LCA5L: variants seen among roughly 807,000 people sequenced by gnomAD.
LCA5L encodes the protein lebercilin-like protein.
Under a neutral mutation model 45.4 loss-of-function variants are expected in LCA5L, and 35 were observed. The observed-to-expected ratio is 0.77, with a 90% CI of 0.59 to 1.02. The LOEUF (loss-of-function observed/expected upper bound fraction) is 1.02, where lower values mean the gene tolerates loss of function less well. Ranked by LOEUF, LCA5L falls within the 50% of genes least tolerant of loss-of-function variation. LCA5L has a pLI of 0.00. For missense variants in LCA5L, 668 were observed against 761.6 expected, an observed-to-expected ratio of 0.88 and a Z score of 1.45; for synonymous variants, 233 against 264.7, an observed-to-expected ratio of 0.88 and a Z score of 1.16.
intron 6 of LCA5L, chr21:39,422,645 A>C: frequency 2.5e-6 from 1 of 408,084 alleles, no homozygotes; most frequent in Non-Finnish European, 4.3e-6. Context: ...CACGTAACAC[A>C]ATGCAATCTT....
chr21:39,421,974 TGACA>T (rs1380116257), intron 6 of LCA5L: 3 of 152,224 alleles, frequency 2.0e-5, no homozygotes, highest in African/African-American at 7.2e-5. Context: ...TGCTTTTACA[TGACA>T]GACATACGCT....
chr21:39,435,040 T>G (rs2076159989), intron 3 of LCA5L, among the ~76,000 whole-genome samples: 1 of 152,222 alleles, frequency 6.6e-6, no homozygotes, highest in South Asian at 2.1e-4. Context: ...GTTTACAGTA[T>G]AGTGGTGCCT....
Position 39,410,089 on chromosome 21 carries a change from T to C in LCA5L, c.1172A>G (p.Lys391Arg). Residue 391 changes from lysine to arginine, a missense_variant, in exon 10 of 11, where the codon AAG becomes AGG. Lys to Arg is a conservative substitution (Grantham distance 26). Transcript: ENST00000288350. ...DVPPLTTKGKKATGNIDHKEK... is the reference protein window; with the variant it reads ...DVPPLTTKGKRATGNIDHKEK... ...TTTATGATCGATGTTTCCTGTTGCCTTTTTACCCTGTAATTTAGAAAAGCA... is the reference window on the plus strand; with the variant it reads ...TTTATGATCGATGTTTCCTGTTGCCCTTTTACCCTGTAATTTAGAAAAGCA... The C allele has an allele frequency of 1.2e-6, 2 of 1,600,132 alleles. No individual in the cohort carries two copies. Among genetic ancestry groups the C allele is most frequent in the South Asian group, 1.1e-5 (1 of 90,188 alleles).
At position 39,423,414 on chromosome 21, in the gene LCA5L, G is replaced by A. The variant is rs1198152076; in HGVS notation, c.399C>T (p.Ala133=). 3 of 1,602,900 alleles carry A rather than the reference G, an allele frequency of 1.9e-6. No individual in the cohort carries two copies. In the Admixed American group the frequency reaches 5.1e-5, roughly 27 times the overall value. Residue 133 remains alanine (A), a synonymous_variant, in exon 6 of 11, where the codon GCC becomes GCT. Coordinates refer to ENST00000288350, the MANE Select transcript of LCA5L (RefSeq NM_152505.4). ...SLFNSQIHMI[A]QRRDAMAHRI... ...GATGAGCCATAGCATCTCTTCTTTG[G>A]GCAATCATATGGATTTGAGAATTAA...
chr21:39,420,888 T>C (rs780616784), intron 6 of LCA5L, 45 bp from the exon 7 acceptor site: 10 of 1,473,902 alleles, frequency 6.8e-6, no homozygotes, highest in Non-Finnish European at 9.3e-6. Context: ...CAAGTTAGTA[T>C]GTTAAAAACT....
intron 3 of LCA5L, among the ~76,000 whole-genome samples, chr21:39,434,898 G>A (rs940470355): frequency 4.6e-5 from 7 of 152,158 alleles, no homozygotes; most frequent in South Asian, 2.1e-4. Context: ...TATGAAGAAG[G>A]TAAGGCAAAA....
At chr21:39,433,559 G>T (rs376429095) in intron 3 of LCA5L, among the ~76,000 whole-genome samples, 2 of 151,872 alleles carry the variant, frequency 1.3e-5, no homozygotes, top group African/African-American at 4.8e-5. Flanking sequence ...ACTTATTATG[G>T]ATTAAAATTC....
At chr21:39,421,351 G>T (rs1196844611) in intron 6 of LCA5L, among the ~76,000 whole-genome samples, 1 of 152,108 alleles carries the variant, frequency 6.6e-6, no homozygotes. Context: ...GCCTCCCAAA[G>T]TGCTGGTATT....
At chr21:39,431,914 C>T (rs1472695028) in intron 3 of LCA5L, among the ~76,000 whole-genome samples, 1 of 152,144 alleles carries the variant, frequency 6.6e-6, no homozygotes, top group Non-Finnish European at 1.5e-5. Flanking sequence ...TTGATCACTA[C>T]TATAACCTAA....
In LCA5L at chr21:39,406,104, A is replaced by G; in HGVS notation, c.1791T>C (p.Ser597=). 6.2e-7 allele frequency: 1 copy of G among 1,614,198 alleles called. No homozygotes were observed. Among genetic ancestry groups the G allele is most frequent in the Non-Finnish European group, 8.5e-7 (1 of 1,180,038 alleles). ...KDTTFRDKKS[S]LMEELFGSGY... ...CTGATCCAAAGAGTTCTTCCATGAG[A>G]CTGCTTTTCTTATCTCTGAAAGTTG... The change falls in exon 11 of 11, where the codon AGT becomes AGC. Residue 597 remains serine (S), a synonymous_variant. Coordinates refer to ENST00000288350, the MANE Select transcript of LCA5L (RefSeq NM_152505.4).
chr21:39,419,281 T>C (rs1278401820), intron 7 of LCA5L, among the ~76,000 whole-genome samples: 2 of 152,034 alleles, frequency 1.3e-5, no homozygotes, highest in Non-Finnish European at 2.9e-5. Context: ...TCCTAACACT[T>C]TGGAAGGCCA....
chr21:39,416,521 G>A (rs1352913378), intron 7 of LCA5L, among the ~76,000 whole-genome samples: 3 of 152,192 alleles, frequency 2.0e-5, no homozygotes, highest in South Asian at 2.1e-4. Flanking sequence ...GTTTGTTTCA[G>A]TGGGATATGG....
In LCA5L at chr21:39,428,402, C is replaced by A; in HGVS notation, c.92G>T (p.Arg31Ile). ...TGAAAAATCGCCTGTGCCTGGGCTT[C>A]TCTTGCATGCTGCAGACCTCCTATT... ...ENNRRSAACK[R>I]SPGTGDFSRN... Residue 31 changes from arginine to isoleucine, a missense_variant, in exon 5 of 11, where the codon AGA becomes ATA. Coordinates refer to ENST00000288350, the MANE Select transcript of LCA5L (RefSeq NM_152505.4). 6.2e-7 allele frequency: 1 copy of A among 1,612,954 alleles called. No individual in the cohort carries two copies. Among genetic ancestry groups the A allele is most frequent in the African/African-American group, 1.3e-5 (1 of 74,816 alleles).
intron 5 of LCA5L, 29 bp from the exon 6 acceptor site, chr21:39,423,519 C>A: frequency 9.9e-6 from 15 of 1,514,484 alleles, no homozygotes; most frequent in Non-Finnish European, 1.1e-5. Context: ...CAGTTTATTA[C>A]TAGTAAAATA....
intron 7 of LCA5L, among the ~76,000 whole-genome samples, chr21:39,417,860 A>G (rs532632047): frequency 1.1e-3 from 172 of 151,998 alleles, no homozygotes; most frequent in African/African-American, 3.6e-3. Flanking sequence ...CCGCCTCCCG[A>G]GTTCACACCA....
At chr21:39,430,700 T>C (rs1472176814) in intron 3 of LCA5L, among the ~76,000 whole-genome samples, 1 of 152,194 alleles carries the variant, frequency 6.6e-6, no homozygotes. Context: ...TAATCATTTC[T>C]AAGCTGCTTG....
chr21:39,437,479 A>G (rs2076396828), intron 2 of LCA5L, among the ~76,000 whole-genome samples: 1 of 152,102 alleles, frequency 6.6e-6, no homozygotes, highest in South Asian at 2.1e-4. Context: ...CTTTTTTTTG[A>G]GACAGGGTCT....
At chr21:39,414,658 C>T (rs930317998) in intron 7 of LCA5L, among the ~76,000 whole-genome samples, 3 of 150,542 alleles carry the variant, frequency 2.0e-5, no homozygotes, top group Non-Finnish European at 2.9e-5. Context: ...AGTGATGCTG[C>T]GTGACTGCCA....
intron 8 of LCA5L, chr21:39,411,014 GAAGAA>G: frequency 2.2e-6 from 1 of 447,464 alleles, no homozygotes; most frequent in Admixed American, 2.5e-5. Context: ...ACGTGCTCTT[GAAGAA>G]AAGAAGACCT....
Sources: gnomAD v4.1 joint callset for allele counts (sites outside exome capture counted in the v4.1 genomes callset) on GRCh38, gnomAD v4.1.1 for gene constraint, MANE v1.5 for transcripts, NCBI Gene and HGNC (gene_info 2026-07-23, HGNC 2026-07-21) for gene names.